Variants in UMAD1 observed in about 807,000 individuals in gnomAD.
The protein encoded by UMAD1 is UBAP1-MVB12-associated (UMA) domain containing 1.
A neutral mutation model predicts 6.1 loss-of-function variants in UMAD1; 8 were observed. The ratio of observed to expected loss-of-function variants is 1.30; its 90% CI spans 0.76 to 2.35. The LOEUF (loss-of-function observed/expected upper bound fraction) is 2.35. Among genes scored for constraint, UMAD1 ranks in the 30% most tolerant of loss-of-function variants. The pLI, the probability that UMAD1 is intolerant of heterozygous loss-of-function variation, is 0.00. For synonymous variants in UMAD1, 56 were observed against 31.4 expected, an observed-to-expected ratio of 1.78 and a Z score of -2.61; for missense variants, 130 against 78.4, an observed-to-expected ratio of 1.66 and a Z score of -2.49.
At chr7:7,753,118 C>T (rs1216191107) in intron 2 of UMAD1, among the ~76,000 whole-genome samples, 1 of 152,030 alleles carries the variant, frequency 6.6e-6, no homozygotes, top group Non-Finnish European at 1.5e-5. Context: ...ATTGTTGTCA[C>T]ATCATCTTTT....
At chr7:7,816,740 A>G (rs1783134551) in intron 3 of UMAD1, among the ~76,000 whole-genome samples, 1 of 152,196 alleles carries the variant, frequency 6.6e-6, no homozygotes, top group Non-Finnish European at 1.5e-5. Context: ...ATCACCAATC[A>G]CTTTATTTCT....
chr7:7,670,212 T>C (rs1330429866), intron 1 of UMAD1, among the ~76,000 whole-genome samples: 1 of 152,232 alleles, frequency 6.6e-6, no homozygotes, highest in African/African-American at 2.4e-5. Flanking sequence ...GAATGACTTA[T>C]TAAAACTACT....
chr7:7,703,468 TATTC>T (rs1478760306), intron 2 of UMAD1, among the ~76,000 whole-genome samples: 1 of 152,220 alleles, frequency 6.6e-6, no homozygotes, highest in African/African-American at 2.4e-5. Context: ...AACTAAATTT[TATTC>T]ATTGTGTGGA....
intron 2 of UMAD1, among the ~76,000 whole-genome samples, chr7:7,722,709 G>A (rs966627867): frequency 6.6e-6 from 1 of 152,182 alleles, no homozygotes; most frequent in African/African-American, 2.4e-5. Context: ...AGCTGAAATT[G>A]TGGCAAAACA....
At chr7:7,771,152 A>G (rs974787104) in intron 2 of UMAD1, among the ~76,000 whole-genome samples, 1 of 150,934 alleles carries the variant, frequency 6.6e-6, no homozygotes, top group East Asian at 1.9e-4. Flanking sequence ...GAACGCTTTG[A>G]GGACAAGGAT....
At chr7:7,746,951 ATGTTTGTG>A (rs1446853534) in intron 2 of UMAD1, among the ~76,000 whole-genome samples, 19 of 128,542 alleles carry the variant, frequency 1.5e-4, no homozygotes, top group Admixed American at 1.4e-3. Flanking sequence ...AGTGGAGTGC[ATGTTTGTG>A]TGTGTGTGTG....
rs1195953421 is a variant in UMAD1 at position 7,648,278 on chromosome 7, C to G, written c.-64+7457C>G. On this transcript the variant is annotated intron_variant, in intron 1 of 3. Transcript: ENST00000682710. Reference sequence around the variant, plus strand: ...AGATCATGAGTGATTTGCTGTTTCTCTGCTTAAGTTTTCTCCGCTTAAGTT... The same window carrying G: ...AGATCATGAGTGATTTGCTGTTTCTGTGCTTAAGTTTTCTCCGCTTAAGTT... 1.4e-4 allele frequency among the ~76,000 whole-genome samples: 21 copies of G among 152,198 alleles called. 1 individual carries two copies. Among genetic ancestry groups the G allele is most frequent in the Admixed American group, 1.4e-3 (21 of 15,290 alleles).
At chr7:7,686,725 C>T (rs976020457) in intron 2 of UMAD1, among the ~76,000 whole-genome samples, 5 of 152,088 alleles carry the variant, frequency 3.3e-5, no homozygotes, top group African/African-American at 1.2e-4. Context: ...ACTACTAGTC[C>T]CTCAATATCT....
intron 2 of UMAD1, among the ~76,000 whole-genome samples, chr7:7,725,994 C>T (rs1290787339): frequency 6.6e-6 from 1 of 152,228 alleles, no homozygotes; most frequent in African/African-American, 2.4e-5. Context: ...GAACTTTGAG[C>T]ATTGCACCTG....
rs930399373 is a variant in UMAD1 at position 7,877,528 on chromosome 7, G to A, written c.404G>A (p.Cys135Tyr). 7 of 717,134 alleles carry A rather than the reference G, an allele frequency of 9.8e-6. No individual in the cohort carries two copies. Among genetic ancestry groups the A allele is most frequent in the Non-Finnish European group, 1.6e-5 (6 of 385,098 alleles). The allele number at this position is 717,134 out of a possible 1,614,324, so 44.4% of individuals were successfully genotyped here. Residue 135 changes from cysteine to tyrosine, a missense_variant, in exon 4 of 4, where the codon TGT becomes TAT. Physicochemically the swap from Cys to Tyr is radical, Grantham distance 194. Coordinates refer to ENST00000682710, the MANE Select transcript of UMAD1 (RefSeq NM_001302348.2). ...TTCACTCTTGAAAATTCAGTGCTCT[G>A]TGATTCATAACCTTTATGTCTGTTT... ...YDFTLENSVL[C>Y]DS is the part of the protein sequence containing the mutation.
chr7:7,674,497 T>C (rs532569153), intron 2 of UMAD1, among the ~76,000 whole-genome samples: 71 of 152,222 alleles, frequency 4.7e-4, no homozygotes, highest in Non-Finnish European at 9.0e-4. Context: ...AGAACCTGTC[T>C]TGTATGTCCA....
chr7:7,867,048 A>T (rs1429139990), intron 3 of UMAD1, among the ~76,000 whole-genome samples: 1 of 152,206 alleles, frequency 6.6e-6, no homozygotes. Context: ...CAAAGATGAT[A>T]CAGGTTTCTG....
chr7:7,728,681 C>G (rs973535561), intron 2 of UMAD1, among the ~76,000 whole-genome samples: 3 of 151,652 alleles, frequency 2.0e-5, no homozygotes, highest in Non-Finnish European at 4.4e-5. Flanking sequence ...AGAGGTTGAT[C>G]CATGGATTAA....
intron 2 of UMAD1, chr7:7,718,463 G>A (rs936923366): frequency 1.3e-5 from 2 of 152,064 alleles, no homozygotes; most frequent in Non-Finnish European, 2.9e-5. Context: ...ATACCTTTAA[G>A]TTATTTTGAA....
intron 2 of UMAD1, among the ~76,000 whole-genome samples, chr7:7,792,155 T>C (rs1296958377): frequency 6.6e-6 from 1 of 152,246 alleles, no homozygotes; most frequent in Admixed American, 6.5e-5. Flanking sequence ...GGTATGCTAA[T>C]TTATTACATG....
At chr7:7,699,336 T>C in intron 2 of UMAD1, among the ~76,000 whole-genome samples, 1 of 152,234 alleles carries the variant, frequency 6.6e-6, no homozygotes, top group Non-Finnish European at 1.5e-5. Context: ...TATTTATGCT[T>C]TAATCACTCA....
At chr7:7,758,684 T>C (rs1433472352) in intron 2 of UMAD1, among the ~76,000 whole-genome samples, 1 of 152,250 alleles carries the variant, frequency 6.6e-6, no homozygotes, top group African/African-American at 2.4e-5. Context: ...GTCATTTTCT[T>C]TGTATTCTGC....
intron 2 of UMAD1, among the ~76,000 whole-genome samples, chr7:7,751,428 T>C (rs1189259046): frequency 6.6e-6 from 1 of 152,242 alleles, no homozygotes; most frequent in African/African-American, 2.4e-5. Flanking sequence ...TAGAGATTTT[T>C]GGTTAACTAA....
chr7:7,718,457 C>A (rs1353208005), intron 2 of UMAD1: 1 of 152,018 alleles, frequency 6.6e-6, no homozygotes, highest in Admixed American at 6.5e-5. Flanking sequence ...AAAATAATAC[C>A]TTTAAGTTAT....
Sources: gnomAD v4.1 joint callset for allele counts (sites outside exome capture counted in the v4.1 genomes callset) on GRCh38, gnomAD v4.1.1 for gene constraint, MANE v1.5 for transcripts, NCBI Gene and HGNC (gene_info 2026-07-23, HGNC 2026-07-21) for gene names.